Variants in TLE6 observed in about 807,000 individuals in gnomAD.
The protein encoded by TLE6 is transducin-like enhancer protein 6.
In TLE6, 72 loss-of-function variants were observed where a neutral mutation model predicts 77.1. The observed-to-expected ratio is 0.93, with a 90% CI of 0.77 to 1.14. TLE6 has a LOEUF of 1.14. TLE6 is among the 50% of genes most tolerant of loss of function. The pLI is 0.00. For missense variants in TLE6, 843 were observed against 747.6 expected (o/e 1.13, Z -1.49); for synonymous variants, 366 against 287.3 (o/e 1.27, Z -2.77).
chr19:2,978,721 C>T (rs913128915), intron 2 of TLE6, among the ~76,000 whole-genome samples: 3 of 152,116 alleles, frequency 2.0e-5, no homozygotes, highest in Non-Finnish European at 2.9e-5. Flanking sequence ...GGTGCCACTG[C>T]ACTCCATCCT....
intron 15 of TLE6, 53 bp from the exon 16 acceptor site, chr19:2,993,966 G>A (rs2145075778): frequency 1.4e-6 from 2 of 1,450,342 alleles, no homozygotes; most frequent in South Asian, 1.2e-5. Flanking sequence ...GATGAACTCT[G>A]GGAAGGAAAA....
intron 14 of TLE6, 32 bp downstream of exon 14, chr19:2,992,016 A>C: frequency 6.2e-7 from 1 of 1,608,460 alleles, no homozygotes; most frequent in African/African-American, 1.3e-5. Flanking sequence ...CTGCTTGGCC[A>C]GGCATCCTCT....
At chr19:2,984,337 G>T (rs1301235872) in intron 5 of TLE6, 6 of 131,882 alleles carry the variant, frequency 4.5e-5, no homozygotes, top group African/African-American at 2.0e-4. Context: ...CATCAGCCTG[G>T]AGTCCCCCCC....
chr19:2,989,595 G>A lies in TLE6; in HGVS notation c.1054G>A (p.Gly352Ser), dbSNP rs1376982287. 7.4e-6 allele frequency: 12 copies of A among 1,613,762 alleles called. No homozygotes were observed. The highest frequency in any genetic ancestry group is 1.1e-5 in the South Asian group (1 of 91,074). ...LSSNSRSLLT[G>S]GYNLASVSVW... Reference sequence around the variant, plus strand: ...CTCAAACAGCAGGAGCCTGCTCACCGGTGGCTACAACCTGGCCAGCGTGAG... The same window carrying A: ...CTCAAACAGCAGGAGCCTGCTCACCAGTGGCTACAACCTGGCCAGCGTGAG... The change falls in exon 13 of 17, where the codon GGT (glycine) becomes AGT (serine). Residue 352 changes from glycine to serine, a missense_variant. Gly to Ser is a moderately conservative substitution (Grantham distance 56, BLOSUM62 0). Coordinates refer to ENST00000246112, the MANE Select transcript of TLE6 (RefSeq NM_001143986.2).
Position 2,989,465 on chromosome 19 carries a change from T to G in TLE6, c.994-70T>G. On this transcript the variant is annotated intron_variant, in intron 12 of 16. Transcript: ENST00000246112. ...CTAAAGGATGAATAGGAGTTCGCTCTCATGAGGCAAAGCAGTCCAGGCAGA... is the reference window on the plus strand; with the variant it reads ...CTAAAGGATGAATAGGAGTTCGCTCGCATGAGGCAAAGCAGTCCAGGCAGA... 2.5e-6 allele frequency: 4 copies of G among 1,573,594 alleles called. No individual in the cohort carries two copies. The South Asian group carries it at 4.7e-5, about 19-fold the overall frequency.
chr19:2,992,792 A>C (rs1265906715), intron 14 of TLE6, among the ~76,000 whole-genome samples: 5 of 9,904 alleles, frequency 5.0e-4, no homozygotes, highest in African/African-American at 1.8e-3. Context: ...AAAAAAAAAA[A>C]AGGGGGGGAG....
In TLE6 at chr19:2,995,071, A is replaced by C; in HGVS notation, c.*67A>C. 13 of 943,652 alleles carry C rather than the reference A, an allele frequency of 1.4e-5. No homozygotes were observed. The highest frequency in any genetic ancestry group is 2.1e-5 in the Non-Finnish European group (13 of 615,380). The allele number at this position is 943,652 out of a possible 1,614,324, so 58.5% of individuals were successfully genotyped here. A position where few individuals can be genotyped will look rare whatever the true frequency, so the allele number is the denominator to read the frequency against. Reference sequence around the variant, plus strand: ...TCCCCCCCCTTCCCCCCCCCCAACAAGGGGGACATGGTGGAGGGAAGCGGG... The same window carrying C: ...TCCCCCCCCTTCCCCCCCCCCAACACGGGGGACATGGTGGAGGGAAGCGGG... On this transcript the variant is annotated 3_prime_UTR_variant, in exon 17 of 17. Coordinates refer to ENST00000246112, the MANE Select transcript of TLE6 (RefSeq NM_001143986.2).
chr19:2,989,618 G>A lies in TLE6; in HGVS notation c.1077G>A (p.Val359=), dbSNP rs1175966078. Residue 359 remains valine, a synonymous_variant, in exon 13 of 17, where the codon GTG becomes GTA. Coordinates refer to ENST00000246112, the MANE Select transcript of TLE6 (RefSeq NM_001143986.2). ...LLTGGYNLAS[V]SVWDLAAPSL... The stretch of plus-strand genomic sequence containing the variant: ...CCGGTGGCTACAACCTGGCCAGCGT[G>A]AGCGTGTGGGACCTGGCGGCGCCCT... 1.2e-6 allele frequency: 2 copies of A among 1,614,014 alleles called. No homozygotes were observed. Among genetic ancestry groups the A allele is most frequent in the Non-Finnish European group, 1.7e-6 (2 of 1,180,030 alleles).
In TLE6 at chr19:2,995,006, G is replaced by C; in HGVS notation, c.*2G>C. 1 of 1,592,348 alleles carries C rather than the reference G, an allele frequency of 6.3e-7. No individual in the cohort carries two copies. The highest frequency in any genetic ancestry group is 2.0e-4 in the Middle Eastern group (1 of 4,904). On this transcript the variant is annotated 3_prime_UTR_variant, in exon 17 of 17. Transcript: ENST00000246112. ...TCCGTGTACCAGATCACCTACTGAGGGGCCTCGCTGCTGTCATCCCACTCC... is the reference window on the plus strand; with the variant it reads ...TCCGTGTACCAGATCACCTACTGAGCGGCCTCGCTGCTGTCATCCCACTCC...
chr19:2,993,696 T>C, intron 15 of TLE6, 114 bp downstream of exon 15: 1 of 1,337,152 alleles, frequency 7.5e-7, no homozygotes, highest in South Asian at 1.5e-5. Context: ...AACCCTTCTG[T>C]AGCAGAAACC....
At chr19:2,991,395 TACACACACACACAC>T (rs373594184) in intron 13 of TLE6, among the ~76,000 whole-genome samples, 2 of 114,150 alleles carry the variant, frequency 1.8e-5, no homozygotes, top group African/African-American at 3.8e-5. Flanking sequence ...TATATATATA[TACACACACACACAC>T]ACACACACAC....
Position 2,989,224 on chromosome 19 carries a change from T to C in TLE6, c.904T>C (p.Phe302Leu). 6.2e-7 allele frequency: 1 copy of C among 1,614,078 alleles called. No individual in the cohort carries two copies. Among genetic ancestry groups the C allele is most frequent in the Admixed American group, 1.7e-5 (1 of 60,026 alleles). Residue 302 changes from phenylalanine to leucine, a missense_variant, in exon 12 of 17, where the codon TTC becomes CTC. Coordinates refer to ENST00000246112, the MANE Select transcript of TLE6 (RefSeq NM_001143986.2). ...TAISSFTRHV[F>L]TCGRRGIKVW... The stretch of plus-strand genomic sequence containing the variant: ...CATCAGCAGCTTCACGCGGCACGTG[T>C]TCACCTGTGGCAGAAGAGGCATCAA...
chr19:2,981,204 CAAA>C (rs796213351), intron 3 of TLE6, among the ~76,000 whole-genome samples: 9 of 151,200 alleles, frequency 6.0e-5, no homozygotes, highest in African/African-American at 2.2e-4. Context: ...ATTAAAAATA[CAAA>C]AAAATAGCTG....
chr19:2,992,798 G>GGGGGT (rs2089103677), intron 14 of TLE6, among the ~76,000 whole-genome samples: 1 of 64,322 alleles, frequency 1.6e-5, no homozygotes, highest in Non-Finnish European at 3.4e-5. Flanking sequence ...AAAAAAGGGG[G>GGGGGT]GGAGGCGGGT....
chr19:2,981,557 G>T lies in TLE6; in HGVS notation c.154G>T (p.Ala52Ser), dbSNP rs2088798236. 1 of 1,551,538 alleles carries T rather than the reference G, an allele frequency of 6.4e-7. No homozygotes were observed. Among genetic ancestry groups the T allele is most frequent in the Non-Finnish European group, 8.7e-7 (1 of 1,146,958 alleles). ...QFPRFSPHFA[A>S]ELESIYYSLH... is the part of the protein sequence containing the mutation. ...CCTCAGGTTTTCTCCTCATTTTGCT[G>T]CGGAGTTGGAGAGCATTTACTACTC... Residue 52 changes from alanine (A) to serine (S), a missense_variant, in exon 4 of 17, where the codon GCG becomes TCG. Ala to Ser is a moderately conservative substitution (Grantham distance 99). Transcript: ENST00000246112.
chr19:2,989,632 T>A lies in TLE6; in HGVS notation c.1091T>A (p.Leu364Gln). The A allele has an allele frequency of 6.2e-7, 1 of 1,614,108 alleles. No homozygotes were observed. Among genetic ancestry groups the A allele is most frequent in the Non-Finnish European group, 8.5e-7 (1 of 1,180,010 alleles). The change falls in exon 13 of 17, where the codon CTG (leucine) becomes CAG (glutamine). Residue 364 changes from leucine to glutamine, a missense_variant. By Grantham distance (113) the Leu-to-Gln change is moderately radical (BLOSUM62 -2). Transcript: ENST00000246112. ...YNLASVSVWD[L>Q]AAPSLHVKEQ... Reference sequence around the variant, plus strand: ...CTGGCCAGCGTGAGCGTGTGGGACCTGGCGGCGCCCTCCCTGCATGTGAAG... The same window carrying A: ...CTGGCCAGCGTGAGCGTGTGGGACCAGGCGGCGCCCTCCCTGCATGTGAAG...
Position 2,987,524 on chromosome 19 carries a change from G to T in TLE6, c.558+152G>T, listed in dbSNP as rs2088943076. 3.3e-6 allele frequency: 4 copies of T among 1,215,804 alleles called. No homozygotes were observed. The Admixed American group carries it at 7.6e-5, about 23-fold the overall frequency. 75.3% of individuals were successfully genotyped at this position (1,215,804 alleles called of 1,614,324 possible). On this transcript the variant is annotated intron_variant, in intron 8 of 16. Coordinates refer to ENST00000246112, the MANE Select transcript of TLE6 (RefSeq NM_001143986.2). Reference sequence around the variant, plus strand: ...CGGGGGGGACTTGGGTGATCCAGGAGGCTATACTGGAGTAGCCCAGGACCC... The same window carrying T: ...CGGGGGGGACTTGGGTGATCCAGGATGCTATACTGGAGTAGCCCAGGACCC...
At chr19:2,978,624 C>T (rs1568206639) in intron 2 of TLE6, among the ~76,000 whole-genome samples, 1 of 152,062 alleles carries the variant, frequency 6.6e-6, no homozygotes, top group African/African-American at 2.4e-5. Flanking sequence ...GGCCTAGTGA[C>T]GTGGGCCTGT....
rs764676020 is a variant in TLE6 at position 2,989,570 on chromosome 19, C to T, written c.1029C>T (p.Ser343=). 1.4e-5 allele frequency: 23 copies of T among 1,613,478 alleles called. No homozygotes were observed. The South Asian group carries it at 2.4e-4, about 17-fold the overall frequency. Residue 343 remains serine (S), a synonymous_variant, in exon 13 of 17, where the codon TCC becomes TCT. Coordinates refer to ENST00000246112, the MANE Select transcript of TLE6 (RefSeq NM_001143986.2). ...PGAFLRTCLL[S]SNSRSLLTGG... ...CCTTCCTGCGCACCTGCCTGCTGTC[C>T]TCAAACAGCAGGAGCCTGCTCACCG...
Sources: allele counts gnomAD v4.1 joint callset (sites outside exome capture counted in the v4.1 genomes callset), GRCh38; gene constraint gnomAD v4.1.1; transcripts MANE v1.5; gene names NCBI Gene and HGNC (gene_info 2026-07-23, HGNC 2026-07-21).